The following TAF4 variants were observed in gnomAD, a reference collection of about 807,000 sequenced individuals.
TAF4 encodes TATA-box binding protein associated factor 4, also known as transcription initiation factor TFIID subunit 4.
TAF4 carries 9 observed loss-of-function variants against 90.3 expected under a neutral mutation model. The observed-to-expected ratio is 0.10, with a 90% confidence interval of 0.06 to 0.17. The LOEUF is 0.17. Ranked by LOEUF, TAF4 falls within the 10% of genes least tolerant of loss-of-function variation. The pLI is 1.00. For missense variants in TAF4, 1,351 were observed against 1,370.7 expected, an observed-to-expected ratio of 0.99 and a Z score of 0.23; for synonymous variants, 818 against 638.9, an observed-to-expected ratio of 1.28 and a Z score of -4.23.
intron 14 of TAF4, 114 bp from the exon 15 acceptor site, chr20:61,976,449 G>A (rs1032720009): frequency 5.6e-5 from 72 of 1,274,476 alleles, no homozygotes; most frequent in African/African-American, 3.7e-4. Flanking sequence ...GGCCTGGCAC[G>A]GGCTCCTTCC....
At chr20:61,998,260 TTA>T in intron 12 of TAF4, 68 bp from the exon 13 acceptor site, 3 of 1,504,406 alleles carry the variant, frequency 2.0e-6, no homozygotes, top group African/African-American at 2.8e-5. Flanking sequence ...AACAAATGTG[TTA>T]TCTTATTTAC....
intron 2 of TAF4, among the ~76,000 whole-genome samples, chr20:62,013,144 T>C (rs1384841052): frequency 1.3e-5 from 2 of 152,362 alleles, no homozygotes; most frequent in East Asian, 1.9e-4. Flanking sequence ...ACAATAAACA[T>C]ATCATTAGGC....
chr20:62,013,904 CGGGTGTGTGTGT>C (rs1568932022), intron 2 of TAF4, among the ~76,000 whole-genome samples: 5 of 116,068 alleles, frequency 4.3e-5, no homozygotes, highest in South Asian at 3.1e-4. Flanking sequence ...AAGGCTGACG[CGGGTGTGTGTGT>C]GTGTGTGTGT....
intron 1 of TAF4, 89 bp downstream of exon 1, chr20:62,064,362 T>C (rs1056861215): frequency 7.9e-7 from 1 of 1,258,804 alleles, no homozygotes; most frequent in African/African-American, 1.6e-5. Context: ...ACAGATGACC[T>C]TAGCATTCCA....
intron 1 of TAF4, among the ~76,000 whole-genome samples, chr20:62,039,334 G>A (rs1192269481): frequency 6.6e-6 from 1 of 152,142 alleles, no homozygotes; most frequent in South Asian, 2.1e-4. Context: ...CAGCAGCATC[G>A]TTCAATAGAG....
At chr20:61,977,592 C>T (rs1225354965) in intron 14 of TAF4, among the ~76,000 whole-genome samples, 2 of 152,088 alleles carry the variant, frequency 1.3e-5, no homozygotes, top group Admixed American at 1.3e-4. Flanking sequence ...TGTCTCTGAC[C>T]CACTGCATTT....
At chr20:62,051,423 A>T (rs1259061255) in intron 1 of TAF4, among the ~76,000 whole-genome samples, 1 of 152,080 alleles carries the variant, frequency 6.6e-6, no homozygotes, top group African/African-American at 2.4e-5. Context: ...TCAGGCAGGG[A>T]GCCACCCAGC....
Position 62,051,920 on chromosome 20 carries a change from C to T in TAF4, c.1360+12531G>A, listed in dbSNP as rs138932373. Among the ~76,000 whole-genome samples, 1,333 of 152,294 alleles carry T rather than the reference C, an allele frequency of 8.8e-3. 21 individuals carry two copies. The highest frequency in any genetic ancestry group is 0.03 in the African/African-American group (1,259 of 41,548). The stretch of plus-strand genomic sequence containing the variant: ...GCTCCATTCTGGATATCTGCCACCC[C>T]TTCCTGGACAAACCAAGGTTGCCGC... On this transcript the variant is annotated intron_variant, in intron 1 of 14. Coordinates refer to ENST00000252996, the MANE Select transcript of TAF4 (RefSeq NM_003185.4).
chr20:62,031,716 T>A (rs568594574), intron 1 of TAF4, among the ~76,000 whole-genome samples: 1 of 152,254 alleles, frequency 6.6e-6, no homozygotes, highest in South Asian at 2.1e-4. Context: ...GTACTTTTCT[T>A]AGTCACCGTA....
chr20:62,050,471 G>A (rs2056020259), intron 1 of TAF4, among the ~76,000 whole-genome samples: 1 of 152,072 alleles, frequency 6.6e-6, no homozygotes, highest in Admixed American at 6.5e-5. Context: ...CCAGACAGGT[G>A]CCCCCACCCG....
In TAF4 at chr20:62,065,414, T is replaced by C. The variant is rs1286458316; in HGVS notation, c.397A>G (p.Ser133Gly). 4.1e-6 allele frequency: 4 copies of C among 969,968 alleles called. No individual in the cohort carries two copies. Among genetic ancestry groups the C allele is most frequent in the Non-Finnish European group, 4.9e-6 (4 of 822,812 alleles). The allele number at this position is 969,968 out of a possible 1,614,324, so 60.1% of individuals were successfully genotyped here. ...GGCACCGGGGCGCAGGACCCCGCGC[T>C]GCCCTCGGGCGGCGGCCTCAGCTTC... is the stretch of plus-strand genomic sequence containing the variant. The part of the protein sequence containing the change: ...AAKLRPPPEG[S>G]AGSCAPVPAA... Residue 133 changes from serine to glycine, a missense_variant, in exon 1 of 15, where the codon AGC becomes GGC. Transcript: ENST00000252996.
Position 61,990,153 on chromosome 20 carries a change from T to C in TAF4, c.3090+7397A>G, listed in dbSNP as rs115551412. Among the ~76,000 whole-genome samples, 331 of 152,194 alleles carry C rather than the reference T, an allele frequency of 2.2e-3. 2 individuals are homozygous for C. The highest frequency in any genetic ancestry group is 7.5e-3 in the African/African-American group (312 of 41,538). On this transcript the variant is annotated intron_variant, in intron 14 of 14. Transcript: ENST00000252996. ...CTAAGGTATCAGCCGCACGAGCATT[T>C]AGGGTGCTGGGTATCGTGTCAGAAC...
At chr20:62,016,540 C>G (rs1219563691) in intron 1 of TAF4, among the ~76,000 whole-genome samples, 1 of 152,220 alleles carries the variant, frequency 6.6e-6, no homozygotes, top group African/African-American at 2.4e-5. Context: ...TTTTAGACTC[C>G]TGGCCTTACA....
rs546203719 is a variant in TAF4 at position 62,006,525 on chromosome 20, C to T, written c.2208G>A (p.Gly736=). 24 of 1,539,094 alleles carry T rather than the reference C, an allele frequency of 1.6e-5. No individual in the cohort carries two copies. The East Asian group carries it at 4.3e-4, about 28-fold the overall frequency. Residue 736 remains glycine, a synonymous_variant, in exon 7 of 15, where the codon GGG becomes GGA. Coordinates refer to ENST00000252996, the MANE Select transcript of TAF4 (RefSeq NM_003185.4). This position sits in a 1 kb window ranked among gnomAD's most constrained non-coding sequence, Gnocchi z 7.0. ...CCTTCCATACCAGCGGTGTGGGTTG[C>T]CCCTGCTTGCCGACGCCGACCTGCG... ...QPTQVGVGKQ[G]QPTPLVIQQP...
Position 62,064,527 on chromosome 20 carries a change from C to T in TAF4, c.1284G>A (p.Thr428=), listed in dbSNP as rs1237894863. 7.2e-6 allele frequency: 11 copies of T among 1,529,716 alleles called. No homozygotes were observed. The highest frequency in any genetic ancestry group is 1.4e-5 in the African/African-American group (1 of 71,266). The allele number at this position is 1,529,716 out of a possible 1,614,324, so 94.8% of individuals were successfully genotyped here. A position where few individuals can be genotyped will look rare whatever the true frequency, so the allele number is the denominator to read the frequency against. The change falls in exon 1 of 15, where the codon ACG becomes ACA. Residue 428 remains threonine, a synonymous_variant. Coordinates refer to ENST00000252996, the MANE Select transcript of TAF4 (RefSeq NM_003185.4). ...GCAAGCGGGGGGCCAGCACGGTGGG[C>T]GTCAGGGTGGCCCGAATCCCGCTGG... is the stretch of plus-strand genomic sequence containing the variant. ...ATTSGIRATL[T]PTVLAPRLPQ... is the part of the protein sequence containing the mutation.
In TAF4 at chr20:62,003,274, A is replaced by G; in HGVS notation, c.2372T>C (p.Val791Ala). 1 of 1,612,826 alleles carries G rather than the reference A, an allele frequency of 6.2e-7. No homozygotes were observed. Residue 791 changes from valine (V) to alanine (A), a missense_variant and splice_region_variant, in exon 9 of 15, where the codon GTC becomes GCC. By Grantham distance (64) the Val-to-Ala change is moderately conservative. Transcript: ENST00000252996. ...TAACACGGCGGGTTTCACCACAGGG[A>G]CTACAAAACAAACACACAGTGGAAA... Reference protein sequence around the residue: ...QQIQLNPLQPVPVVKPAVLPG... With the variant: ...QQIQLNPLQPAPVVKPAVLPG...
chr20:61,992,049 G>T (rs1299867849), intron 14 of TAF4, among the ~76,000 whole-genome samples: 1 of 152,198 alleles, frequency 6.6e-6, no homozygotes, highest in Non-Finnish European at 1.5e-5. Context: ...AAACTCATCA[G>T]CAGGTGGGAA....
chr20:62,044,140 C>CA (rs1320205438), intron 1 of TAF4, among the ~76,000 whole-genome samples: 1 of 152,166 alleles, frequency 6.6e-6, no homozygotes, highest in Non-Finnish European at 1.5e-5. Context: ...TATTTCCTTC[C>CA]AAAATTATTT....
Position 62,006,511 on chromosome 20 carries a change from A to G in TAF4, c.2222T>C (p.Leu741Pro). 6.6e-7 allele frequency: 1 copy of G among 1,521,642 alleles called. No individual in the cohort carries two copies. The highest frequency in any genetic ancestry group is 8.8e-7 in the Non-Finnish European group (1 of 1,134,758). 94.3% of individuals were successfully genotyped at this position (1,521,642 alleles called of 1,614,324 possible). The change falls in exon 7 of 15, where the codon CTG becomes CCG. Residue 741 changes from leucine to proline, a missense_variant and splice_region_variant. Physicochemically the swap from Leu to Pro is moderately conservative, Grantham distance 98. Coordinates refer to ENST00000252996, the MANE Select transcript of TAF4 (RefSeq NM_003185.4). The surrounding 1 kb of genome is among the most constrained non-coding windows in gnomAD (Gnocchi z 7.0). ...GVGKQGQPTP[L>P]VIQQPPKPGA... ...ACCAGTCAGGCGCCCCTTCCATACC[A>G]GCGGTGTGGGTTGCCCCTGCTTGCC...
Sources: gnomAD v4.1 joint callset for allele counts (sites outside exome capture counted in the v4.1 genomes callset) on GRCh38, gnomAD v4.1.1 for gene constraint, Gnocchi (gnomAD v3.1) non-coding constraint, MANE v1.5 for transcripts, NCBI Gene and HGNC (gene_info 2026-07-23, HGNC 2026-07-21) for gene names.